The following MYO3A variants were observed in gnomAD, a reference collection of about 807,000 sequenced individuals.
The protein encoded by MYO3A is myosin IIIA, also known as myosin-IIIa.
In MYO3A, 180 loss-of-function variants were observed where a neutral mutation model predicts 192.7. The ratio of observed to expected loss-of-function variants is 0.93; its 90% CI spans 0.83 to 1.06. The LOEUF (loss-of-function observed/expected upper bound fraction) is 1.06. MYO3A is among the 50% of genes least tolerant of loss of function. The pLI is 0.00. For synonymous variants in MYO3A, 628 were observed against 645.3 expected, an observed-to-expected ratio of 0.97 and a Z score of 0.41; for missense variants, 1,896 against 1,905.0, an observed-to-expected ratio of 1.00 and a Z score of 0.09.
At chr10:26,134,830 A>G (rs1231882474) in intron 20 of MYO3A, among the ~76,000 whole-genome samples, 1 of 152,092 alleles carries the variant, frequency 6.6e-6, no homozygotes, top group East Asian at 1.9e-4. Context: ...CTTCTTCTCA[A>G]TGGTTTCTCT....
intron 4 of MYO3A, among the ~76,000 whole-genome samples, chr10:25,990,860 G>T (rs1249401832): frequency 6.6e-6 from 1 of 151,912 alleles, no homozygotes; most frequent in Admixed American, 6.6e-5. Flanking sequence ...TTTTATGGCT[G>T]CATAGTATTC....
chr10:26,149,136 T>A (rs1294708004), intron 23 of MYO3A, among the ~76,000 whole-genome samples: 2 of 152,108 alleles, frequency 1.3e-5, no homozygotes, highest in Non-Finnish European at 2.9e-5. Flanking sequence ...GATTTTTTCA[T>A]AGAAGCCCTT....
At chr10:26,136,829 G>A (rs1839874593) in intron 20 of MYO3A, among the ~76,000 whole-genome samples, 1 of 152,126 alleles carries the variant, frequency 6.6e-6, no homozygotes, top group Non-Finnish European at 1.5e-5. Context: ...AGACCAGCCT[G>A]GCCAACATGG....
At chr10:26,105,550 T>A (rs1167604272) in intron 17 of MYO3A, among the ~76,000 whole-genome samples, 1 of 152,122 alleles carries the variant, frequency 6.6e-6, no homozygotes, top group Non-Finnish European at 1.5e-5. Context: ...GAATTATTTA[T>A]ATGCTTTATG....
rs192867631 is a variant in MYO3A, at chr10:26,103,023, C to A, written c.1776+6341C>A. 5.1e-3 allele frequency among the ~76,000 whole-genome samples: 781 copies of A among 152,344 alleles called. 2 individuals carry two copies. The highest frequency in any genetic ancestry group is 7.9e-3 in the Non-Finnish European group (536 of 68,026). ...GGTGGAGTCTACAAAGGCGGGCAGG[C>A]CTCCTTGAGCTGTGGTGGACTCCAC... On this transcript the variant is annotated intron_variant, in intron 17 of 34. Coordinates refer to ENST00000642920, the MANE Select transcript of MYO3A (RefSeq NM_017433.5).
chr10:26,188,596 C>T (rs1842973714), intron 31 of MYO3A, among the ~76,000 whole-genome samples: 1 of 152,156 alleles, frequency 6.6e-6, no homozygotes, highest in South Asian at 2.1e-4. Context: ...CCTAGGTTTT[C>T]TTCTAGGGTT....
At chr10:26,153,343 T>C (rs973187212) in intron 23 of MYO3A, among the ~76,000 whole-genome samples, 17 of 152,220 alleles carry the variant, frequency 1.1e-4, no homozygotes, top group African/African-American at 3.9e-4. Flanking sequence ...ATTTTTTCAC[T>C]GTTTTGGGTT....
At chr10:25,941,552 T>C (rs1476925366) in intron 2 of MYO3A, among the ~76,000 whole-genome samples, 1 of 152,216 alleles carries the variant, frequency 6.6e-6, no homozygotes, top group African/African-American at 2.4e-5. Context: ...TTCACATTTT[T>C]CTATTATTTT....
intron 25 of MYO3A, among the ~76,000 whole-genome samples, chr10:26,156,714 CA>C (rs1273077815): frequency 1.3e-5 from 2 of 152,006 alleles, no homozygotes; most frequent in Non-Finnish European, 2.9e-5. Context: ...ATTTTAAGTT[CA>C]GGGGTAAATG....
At chr10:26,193,097 CT>C (rs1843229358) in intron 31 of MYO3A, 107 bp from the exon 32 acceptor site, 5 of 905,112 alleles carry the variant, frequency 5.5e-6, no homozygotes, top group Admixed American at 2.1e-5. Flanking sequence ...TTTCTCCAGC[CT>C]TAGCCTCAGT....
intron 15 of MYO3A, among the ~76,000 whole-genome samples, chr10:26,093,447 A>G (rs572371147): frequency 1.3e-5 from 2 of 152,224 alleles, no homozygotes; most frequent in African/African-American, 4.8e-5. Flanking sequence ...TGTTACTTGC[A>G]TTATCACTGG....
intron 3 of MYO3A, 124 bp downstream of exon 3, chr10:25,952,402 T>G (rs896491640): frequency 4.4e-6 from 5 of 1,144,724 alleles, no homozygotes; most frequent in Non-Finnish European, 6.2e-6. Context: ...AATTTGAAGA[T>G]AAATGTAAAA....
intron 30 of MYO3A, among the ~76,000 whole-genome samples, 198 bp from the exon 31 acceptor site, chr10:26,176,503 G>A (rs1323468180): frequency 2.0e-5 from 3 of 152,136 alleles, no homozygotes; most frequent in African/African-American, 7.2e-5. Context: ...ATGTGAGATG[G>A]CAAGTATTCA....
chr10:26,159,730 A>AT, intron 26 of MYO3A, among the ~76,000 whole-genome samples: 1 of 152,266 alleles, frequency 6.6e-6, no homozygotes, highest in Non-Finnish European at 1.5e-5. Flanking sequence ...ATGCTTTGAA[A>AT]TCAAGAAAAC....
At chr10:26,097,288 T>C (rs1285161897) in intron 17 of MYO3A, among the ~76,000 whole-genome samples, 1 of 152,228 alleles carries the variant, frequency 6.6e-6, no homozygotes, top group Non-Finnish European at 1.5e-5. Context: ...TGTGATCTGT[T>C]GTGACTGGTT....
chr10:26,076,807 G>A (rs1169297807), intron 14 of MYO3A, among the ~76,000 whole-genome samples: 2 of 151,964 alleles, frequency 1.3e-5, no homozygotes, highest in African/African-American at 2.4e-5. Context: ...TTGGCTGTAA[G>A]TATTTGGATT....
intron 6 of MYO3A, among the ~76,000 whole-genome samples, chr10:26,008,880 A>G (rs376522077): frequency 0.065 from 9,804 of 151,878 alleles, 422 homozygotes; most frequent in Non-Finnish European, 0.094. Flanking sequence ...ATTACTGGGT[A>G]TATACCCAAA....
chr10:25,973,421 C>A (rs1215195084), intron 4 of MYO3A, among the ~76,000 whole-genome samples: 2 of 152,132 alleles, frequency 1.3e-5, no homozygotes, highest in African/African-American at 4.8e-5. Flanking sequence ...ATCATGACAT[C>A]TGCAAACAGA....
In MYO3A at chr10:25,957,227, C is replaced by T. The variant is rs748506400; in HGVS notation, c.303+2219C>T. ...GGGACCCAGTGGGAAGTAACTGAAT[C>T]GTGGGGGCAGGTCTTTCCTATGGTA... On this transcript the variant is annotated intron_variant, in intron 4 of 34. Coordinates refer to ENST00000642920, the MANE Select transcript of MYO3A (RefSeq NM_017433.5). Among the ~76,000 whole-genome samples, 9 of 152,206 alleles carry T rather than the reference C, an allele frequency of 5.9e-5. 1 individual carries two copies. In the East Asian group the frequency reaches 7.7e-4, roughly 13 times the overall value.
Sources: allele counts gnomAD v4.1 joint callset (sites outside exome capture counted in the v4.1 genomes callset), GRCh38; gene constraint gnomAD v4.1.1; transcripts MANE v1.5; gene names NCBI Gene and HGNC (gene_info 2026-07-23, HGNC 2026-07-21).